PCDHA2: variants seen among roughly 807,000 people sequenced by gnomAD.
PCDHA2 encodes the protein protocadherin alpha 2, also known as protocadherin alpha-2.
Under a neutral mutation model 66.0 loss-of-function variants are expected in PCDHA2, and 58 were observed. That is an observed-to-expected ratio of 0.88 (90% CI 0.71 to 1.09). PCDHA2 has a LOEUF of 1.09. Among genes scored for constraint, PCDHA2 ranks in the 50% least tolerant of loss-of-function variants. The pLI is 0.00. For missense variants in PCDHA2, 1,267 were observed against 1,242.3 expected (o/e 1.02, Z -0.30); for synonymous variants, 634 against 554.0 (o/e 1.14, Z -2.03).
chr5:140,802,643 G>C, intron 1 of PCDHA2: 1 of 1,613,746 alleles, frequency 6.2e-7, no homozygotes, highest in Non-Finnish European at 8.5e-7. Flanking sequence ...CGCGGGACGC[G>C]GACGCGCAGG....
At chr5:140,857,653 C>A (rs1466552947) in intron 1 of PCDHA2, 6 of 1,596,508 alleles carry the variant, frequency 3.8e-6, no homozygotes, top group Non-Finnish European at 5.1e-6. Flanking sequence ...TCCAGGTGAG[C>A]GCGCGCGATG....
chr5:140,831,995 T>C (rs1371485520), intron 1 of PCDHA2, among the ~76,000 whole-genome samples: 2 of 152,226 alleles, frequency 1.3e-5, no homozygotes, highest in African/African-American at 4.8e-5. Flanking sequence ...ACGGATTCCA[T>C]ATTGTTTTCA....
intron 1 of PCDHA2, chr5:140,857,788 GCTGCGGTCGGTGGTTGCGGGT>G: frequency 6.3e-7 from 1 of 1,597,732 alleles, no homozygotes; most frequent in South Asian, 1.1e-5. Flanking sequence ...GTGAGCTGGT[GCTGCGGTCGGTGGTTGCGGGT>G]CACGTGGTGG....
intron 1 of PCDHA2, among the ~76,000 whole-genome samples, chr5:140,935,583 C>T (rs1182817725): frequency 1.3e-5 from 2 of 152,168 alleles, no homozygotes; most frequent in Admixed American, 6.5e-5. Flanking sequence ...AGTTAAGCCA[C>T]CAGCTAGATA....
chr5:140,870,305 A>G lies in PCDHA2; in HGVS notation c.2388+72953A>G, dbSNP rs201733980. 1.4e-4 allele frequency: 226 copies of G among 1,614,156 alleles called. No homozygotes were observed. In the African/African-American group the frequency reaches 2.3e-3, roughly 17 times the overall value. On this transcript the variant is annotated intron_variant, in intron 1 of 3. Transcript: ENST00000526136. ...CCCTTCAAGCTGGTGTCCACCTTCA[A>G]GAATTACTACTCGTTGGTGCTGGAC...
intron 1 of PCDHA2, chr5:140,865,696 A>G (rs1233175579): frequency 2.0e-5 from 3 of 152,192 alleles, no homozygotes; most frequent in African/African-American, 7.2e-5. Flanking sequence ...GACTGTTCCA[A>G]TTTGAAAGAT....
chr5:140,870,626 C>G lies in PCDHA2; in HGVS notation c.2388+73274C>G, dbSNP rs782773688. Reference sequence around the variant, plus strand: ...GACCGCGCGCTGTCGAGCTACGTGTCGGTGCACGCGGAGAGCGGCAAGGTG... The same window carrying G: ...GACCGCGCGCTGTCGAGCTACGTGTGGGTGCACGCGGAGAGCGGCAAGGTG... On this transcript the variant is annotated intron_variant, in intron 1 of 3. Coordinates refer to ENST00000526136, the MANE Select transcript of PCDHA2 (RefSeq NM_018905.3). 15 of 1,613,016 alleles carry G rather than the reference C, an allele frequency of 9.3e-6. No individual in the cohort carries two copies. The highest frequency in any genetic ancestry group is 1.1e-5 in the Non-Finnish European group (13 of 1,179,794).
chr5:140,902,724 C>T (rs1463381369), intron 1 of PCDHA2, among the ~76,000 whole-genome samples: 6 of 148,640 alleles, frequency 4.0e-5, no homozygotes, highest in Admixed American at 3.3e-4. Context: ...TCCCACCCTT[C>T]CCTCCAAGTC....
At chr5:140,954,287 TG>T (rs1353316805) in intron 1 of PCDHA2, among the ~76,000 whole-genome samples, 1 of 152,248 alleles carries the variant, frequency 6.6e-6, no homozygotes, top group Non-Finnish European at 1.5e-5. Flanking sequence ...TATATTCCTT[TG>T]GGTACATACC....
chr5:140,829,191 C>T (rs2150163632), intron 1 of PCDHA2: 2 of 1,614,228 alleles, frequency 1.2e-6, no homozygotes, highest in South Asian at 1.1e-5. Context: ...CAATTTGGTA[C>T]TGTCATCGCC....
At chr5:140,975,779 A>G (rs1439511378) in intron 1 of PCDHA2, among the ~76,000 whole-genome samples, 1 of 152,118 alleles carries the variant, frequency 6.6e-6, no homozygotes, top group Non-Finnish European at 1.5e-5. Context: ...TAATACCATT[A>G]CAAGATAAAT....
intron 1 of PCDHA2, chr5:140,801,688 C>A: frequency 6.2e-7 from 1 of 1,614,212 alleles, no homozygotes. Flanking sequence ...GATATCGGAA[C>A]AAATTCGTTG....
rs1554169418 is a variant in PCDHA2 at position 140,877,179 on chromosome 5, G to C, written c.2388+79827G>C. 3 of 1,613,712 alleles carry C rather than the reference G, an allele frequency of 1.9e-6. No individual in the cohort carries two copies. The South Asian group carries it at 3.3e-5, about 18-fold the overall frequency. ...ACGCGCCGGCACTGCTGGCGACTCCGGCTGGCAGCGCAGGAGGCGCAGTTA... is the reference window on the plus strand; with the variant it reads ...ACGCGCCGGCACTGCTGGCGACTCCCGCTGGCAGCGCAGGAGGCGCAGTTA... On this transcript the variant is annotated intron_variant, in intron 1 of 3. Coordinates refer to ENST00000526136, the MANE Select transcript of PCDHA2 (RefSeq NM_018905.3).
At chr5:141,006,313 G>A (rs190584023) in intron 3 of PCDHA2, among the ~76,000 whole-genome samples, 18 of 152,072 alleles carry the variant, frequency 1.2e-4, no homozygotes, top group Admixed American at 1.1e-3. Context: ...CCGGGTTCAT[G>A]CCATTCTCCT....
intron 1 of PCDHA2, chr5:140,884,122 G>C: frequency 1.2e-6 from 2 of 1,613,306 alleles, no homozygotes. Flanking sequence ...CGGTCGGCGC[G>C]CGCATCCCGT....
intron 1 of PCDHA2, chr5:140,829,567 C>T (rs1581882153): frequency 3.1e-6 from 5 of 1,612,524 alleles, no homozygotes; most frequent in Non-Finnish European, 2.5e-6. Context: ...TGGTGTCCTA[C>T]TCGCTGGTGG....
intron 1 of PCDHA2, chr5:140,836,292 C>A (rs1774344523): frequency 6.2e-7 from 1 of 1,613,662 alleles, no homozygotes; most frequent in South Asian, 1.1e-5. Context: ...GACACGAGCC[C>A]TAGATGAGAC....
chr5:140,806,053 G>A (rs1357825181), intron 1 of PCDHA2, among the ~76,000 whole-genome samples: 2 of 152,114 alleles, frequency 1.3e-5, no homozygotes, highest in African/African-American at 2.4e-5. Flanking sequence ...TGGCCCACGC[G>A]ATTCCACCCT....
chr5:140,848,851 T>C lies in PCDHA2; in HGVS notation c.2388+51499T>C, dbSNP rs2150422604. ...GACAGGCCGCTGCAGGTTTTCCATG[T>C]GGACGTGGAGGTGAAGGACATTAAC... is the stretch of plus-strand genomic sequence containing the variant. On this transcript the variant is annotated intron_variant, in intron 1 of 3. Coordinates refer to ENST00000526136, the MANE Select transcript of PCDHA2 (RefSeq NM_018905.3). 2.7e-5 allele frequency: 43 copies of C among 1,590,598 alleles called. 4 individuals carry two copies. The Middle Eastern group carries it at 5.0e-4, about 19-fold the overall frequency.
Sources: gnomAD v4.1 joint callset for allele counts (sites outside exome capture counted in the v4.1 genomes callset) on GRCh38, gnomAD v4.1.1 for gene constraint, MANE v1.5 for transcripts, NCBI Gene and HGNC (gene_info 2026-07-23, HGNC 2026-07-21) for gene names.